Variants in JADE2 observed in about 807,000 individuals in gnomAD.
JADE2 encodes the protein E3 ubiquitin-protein ligase Jade-2.
A neutral mutation model predicts 85.7 loss-of-function variants in JADE2; 13 were observed. The ratio of observed to expected loss-of-function variants is 0.15; its 90% confidence interval spans 0.10 to 0.24. JADE2 has a LOEUF of 0.24. JADE2 is among the 10% of genes least tolerant of loss of function. JADE2 has a pLI of 1.00. For missense variants in JADE2, 846 were observed against 1,115.9 expected (o/e 0.76, Z 3.45); for synonymous variants, 440 against 456.1 (o/e 0.96, Z 0.45).
intron 9 of JADE2, among the ~76,000 whole-genome samples, chr5:134,570,632 C>T (rs757221687): frequency 6.6e-6 from 1 of 152,208 alleles, no homozygotes; most frequent in South Asian, 2.1e-4. Flanking sequence ...CTCTCCATCC[C>T]CCGATCCTCT....
chr5:134,548,955 G>T (rs1365561145), intron 3 of JADE2, among the ~76,000 whole-genome samples: 2 of 152,190 alleles, frequency 1.3e-5, no homozygotes, highest in South Asian at 2.1e-4. Context: ...AGAAAGCACT[G>T]CCAGGAGCCA....
intron 9 of JADE2, among the ~76,000 whole-genome samples, chr5:134,572,164 C>T (rs1024366884): frequency 3.7e-4 from 57 of 152,208 alleles, no homozygotes; most frequent in Admixed American, 1.0e-3. Flanking sequence ...GGTGGTTCAT[C>T]CCAGTAGGGT....
chr5:134,574,132 T>TC (rs1764218122), intron 10 of JADE2: 3 of 339,000 alleles, frequency 8.8e-6, no homozygotes, highest in South Asian at 7.8e-5. Context: ...CTGGTGAGCT[T>TC]CCCTGAACCC....
At chr5:134,572,278 C>T (rs539635564) in intron 9 of JADE2, among the ~76,000 whole-genome samples, 4 of 152,216 alleles carry the variant, frequency 2.6e-5, no homozygotes, top group African/African-American at 4.8e-5. Context: ...TCACGGTCTT[C>T]GAGCTGAGGG....
chr5:134,527,590 A>T (rs1012572373), intron 1 of JADE2, among the ~76,000 whole-genome samples: 1 of 150,846 alleles, frequency 6.6e-6, no homozygotes, highest in Non-Finnish European at 1.5e-5. Flanking sequence ...CCCCCGGTCG[A>T]ACAGCCTCTT....
intron 1 of JADE2, chr5:134,526,606 C>T (rs908011437): frequency 1.6e-5 from 16 of 985,352 alleles, no homozygotes; most frequent in Non-Finnish European, 1.8e-5. Context: ...TCCCAGACAC[C>T]TTCCGGGGGC....
intron 11 of JADE2, among the ~76,000 whole-genome samples, chr5:134,577,442 C>T (rs1561767552): frequency 6.6e-6 from 1 of 152,210 alleles, no homozygotes; most frequent in Non-Finnish European, 1.5e-5. Context: ...CGTGCTTCCT[C>T]CAGAGATCTC....
intron 4 of JADE2, among the ~76,000 whole-genome samples, chr5:134,554,647 A>G (rs1762804069): frequency 6.6e-6 from 1 of 152,236 alleles, no homozygotes; most frequent in Non-Finnish European, 1.5e-5. Context: ...TGCTAAGCTG[A>G]CGTGAGCTGG....
At chr5:134,573,844 G>A in intron 10 of JADE2, 82 bp downstream of exon 10, 1 of 898,018 alleles carries the variant, frequency 1.1e-6, no homozygotes. Context: ...TGTGTCTTTG[G>A]ATCCTGGTGG....
chr5:134,557,400 T>TC (rs769485896), intron 4 of JADE2, among the ~76,000 whole-genome samples: 2 of 131,004 alleles, frequency 1.5e-5, no homozygotes, highest in Non-Finnish European at 3.2e-5. Context: ...TTAATTATAC[T>TC]CTAAGTTTTA....
chr5:134,539,870 C>T (rs1296258475), intron 3 of JADE2, among the ~76,000 whole-genome samples: 1 of 152,136 alleles, frequency 6.6e-6, no homozygotes, highest in African/African-American at 2.4e-5. Flanking sequence ...GCCTTGCCTC[C>T]TCCAGGAGCT....
At chr5:134,529,172 G>T (rs764306489) in intron 1 of JADE2, among the ~76,000 whole-genome samples, 3 of 152,206 alleles carry the variant, frequency 2.0e-5, no homozygotes, top group African/African-American at 7.2e-5. Context: ...CATGGCACAT[G>T]CAGCAGGCTT....
chr5:134,559,716 T>G (rs1763208862), intron 4 of JADE2, 114 bp from the exon 5 acceptor site: 1 of 1,014,910 alleles, frequency 9.9e-7, no homozygotes, highest in Non-Finnish European at 1.4e-6. Context: ...CCCTGTGTGG[T>G]GTCAAAGCAC....
chr5:134,549,069 G>A (rs1410505837), intron 3 of JADE2, among the ~76,000 whole-genome samples: 1 of 152,198 alleles, frequency 6.6e-6, no homozygotes, highest in African/African-American at 2.4e-5. Context: ...TGGCAGGGGA[G>A]ATGACAAGAA....
At chr5:134,544,746 G>A (rs1299774260) in intron 3 of JADE2, among the ~76,000 whole-genome samples, 2 of 152,284 alleles carry the variant, frequency 1.3e-5, no homozygotes, top group East Asian at 3.9e-4. Flanking sequence ...AGCCTCTGCT[G>A]CCAGCAAGAG....
At position 134,552,124 on chromosome 5, in the gene JADE2, A is replaced by G. The variant is rs1337718433; in HGVS notation, c.226A>G (p.Ile76Val). ...CCAGCTCAGCCCGGATGACTACTAC[A>G]TCCTGGCAGACCCATGGCGACAGGA... ...SYQLSPDDYYILADPWRQEWE... is the reference protein window; with the variant it reads ...SYQLSPDDYYVLADPWRQEWE... Residue 76 changes from isoleucine (I) to valine (V), a missense_variant, in exon 4 of 12, where the codon ATC (isoleucine) becomes GTC (valine). Transcript: ENST00000681547. 1 of 1,614,150 alleles carries G rather than the reference A, an allele frequency of 6.2e-7. No homozygotes were observed. The highest frequency in any genetic ancestry group is 1.1e-5 in the South Asian group (1 of 91,092).
intron 9 of JADE2, among the ~76,000 whole-genome samples, chr5:134,567,333 A>C (rs1356824766): frequency 1.3e-5 from 2 of 152,174 alleles, no homozygotes; most frequent in Admixed American, 6.5e-5. Flanking sequence ...AGAGTCTGGA[A>C]TGGGTGGGCT....
Position 134,566,245 on chromosome 5 carries a change from G to A in JADE2, c.1099G>A (p.Gly367Arg), listed in dbSNP as rs906068716. Reference protein sequence around the residue: ...FKSFCQEHSDGGPRNEPTSEP... With the variant: ...FKSFCQEHSDRGPRNEPTSEP... ...GTCATTCTGCCAGGAGCACAGTGACGGGGGCCCACGTAATGAGCCCACATC... is the reference window on the plus strand; with the variant it reads ...GTCATTCTGCCAGGAGCACAGTGACAGGGGCCCACGTAATGAGCCCACATC... The change falls in exon 9 of 12, where the codon GGG (glycine) becomes AGG (arginine). Residue 367 changes from glycine (G) to arginine (R), a missense_variant. Gly to Arg is a moderately radical substitution (Grantham distance 125). Around this residue, in one of 9 missense-constraint regions of JADE2, gnomAD observed 39 missense variants for 37.6 expected, o/e 1.04. Transcript: ENST00000681547. This position sits in a 1 kb window ranked among gnomAD's most constrained non-coding sequence, Gnocchi z 6.7. 2.7e-5 allele frequency: 44 copies of A among 1,614,004 alleles called. No individual in the cohort carries two copies. Among genetic ancestry groups the A allele is most frequent in the Non-Finnish European group, 3.6e-5 (42 of 1,180,032 alleles).
chr5:134,560,608 C>A (rs1453649451), intron 5 of JADE2, 138 bp from the exon 6 acceptor site: 19 of 688,364 alleles, frequency 2.8e-5, no homozygotes, highest in Non-Finnish European at 3.9e-5. Context: ...GCTGCTTCTC[C>A]CAGGTCCAAC....
Sources: gnomAD v4.1 joint callset for allele counts (sites outside exome capture counted in the v4.1 genomes callset) on GRCh38, gnomAD v4.1.1 for gene constraint, gnomAD v4.1.1 regional missense constraint, Gnocchi (gnomAD v3.1) non-coding constraint, MANE v1.5 for transcripts, NCBI Gene and HGNC (gene_info 2026-07-23, HGNC 2026-07-21) for gene names.